ASIC1: variants seen among roughly 807,000 people sequenced by gnomAD.
The protein encoded by ASIC1 is acid-sensing ion channel 1.
In ASIC1, 21 loss-of-function variants were observed where a neutral mutation model predicts 63.4. That is an observed-to-expected ratio of 0.33 (90% CI 0.23 to 0.48). The LOEUF is 0.48. Ranked by LOEUF, ASIC1 falls within the 20% of genes least tolerant of loss-of-function variation. The pLI, the probability that ASIC1 is intolerant of heterozygous loss-of-function variation, is 0.99. For missense variants in ASIC1, 478 were observed against 695.5 expected, an observed-to-expected ratio of 0.69 and a Z score of 3.52; for synonymous variants, 258 against 278.2, an observed-to-expected ratio of 0.93 and a Z score of 0.72.
chr12:50,077,862 C>T (rs1950673067), intron 4 of ASIC1, 138 bp from the exon 5 acceptor site: 2 of 1,302,544 alleles, frequency 1.5e-6, no homozygotes, highest in Non-Finnish European at 2.1e-6. Context: ...AGGGGGTGGG[C>T]TAGGACCCTA....
chr12:50,062,815 A>G (rs1198334821), intron 3 of ASIC1, among the ~76,000 whole-genome samples: 1 of 152,204 alleles, frequency 6.6e-6, no homozygotes, highest in Non-Finnish European at 1.5e-5. Context: ...GTGCTCCTGG[A>G]TCTAGCTCAA....
intron 3 of ASIC1, among the ~76,000 whole-genome samples, chr12:50,067,379 A>G (rs1409112866): frequency 6.6e-6 from 1 of 150,758 alleles, no homozygotes; most frequent in Non-Finnish European, 1.5e-5. Flanking sequence ...AATAGCATTT[A>G]AAATAGTTGC....
intron 3 of ASIC1, among the ~76,000 whole-genome samples, chr12:50,067,128 C>T (rs1328026961): frequency 6.6e-6 from 1 of 152,210 alleles, no homozygotes; most frequent in Non-Finnish European, 1.5e-5. Flanking sequence ...ATGTGTCTCT[C>T]AACTCCACAG....
At chr12:50,061,838 G>A (rs1272340558) in intron 3 of ASIC1, among the ~76,000 whole-genome samples, 1 of 152,212 alleles carries the variant, frequency 6.6e-6, no homozygotes, top group African/African-American at 2.4e-5. Context: ...GGTCCATGCT[G>A]TCTGAGGGGA....
rs1950684883 is a variant in ASIC1 at position 50,078,780 on chromosome 12, G to A, written c.995-144G>A. 2 of 1,305,206 alleles carry A rather than the reference G, an allele frequency of 1.5e-6. No homozygotes were observed. Among genetic ancestry groups the A allele is most frequent in the South Asian group, 2.4e-5 (2 of 84,110 alleles). 80.9% of individuals were successfully genotyped at this position (1,305,206 alleles called of 1,614,324 possible). ...GGTCTAGAAGGTATGGACCTGGAGT[G>A]GGTCACTTCTGGGGCAGCATGGGGG... On this transcript the variant is annotated intron_variant, in intron 6 of 11. Transcript: ENST00000447966. The surrounding 1 kb of genome is among the most constrained non-coding windows in gnomAD (Gnocchi z 6.0).
rs1565733685 is a variant in ASIC1 at position 50,081,168 on chromosome 12, A to ACTACGC, written c.1370_1375dup (p.Ala457_Tyr458dup). The ACTACGC allele has an allele frequency of 6.2e-7, 1 of 1,612,256 alleles. No individual in the cohort carries two copies. The highest frequency in any genetic ancestry group is 8.5e-7 in the Non-Finnish European group (1 of 1,179,348). ...ATCCTCACGGTGCTGGAGCTCTTTG[A>ACTACGC]CTACGCCTACGAGGTAAGCGGGGGC... On this transcript the variant is annotated inframe_insertion, in exon 10 of 12. Coordinates refer to ENST00000447966, the MANE Select transcript of ASIC1 (RefSeq NM_001095.4).
chr12:50,075,153 T>C (rs938029035), intron 3 of ASIC1, among the ~76,000 whole-genome samples: 1 of 152,022 alleles, frequency 6.6e-6, no homozygotes, highest in African/African-American at 2.4e-5. Context: ...AGGCCTTCCC[T>C]GCCCCACACA....
intron 3 of ASIC1, among the ~76,000 whole-genome samples, chr12:50,065,118 A>G (rs1354564595): frequency 6.6e-6 from 1 of 152,156 alleles, no homozygotes; most frequent in East Asian, 1.9e-4. Context: ...CTCCCCAGCT[A>G]ACTAAATCAA....
chr12:50,065,976 C>T (rs1029591950), intron 3 of ASIC1, among the ~76,000 whole-genome samples: 4 of 152,218 alleles, frequency 2.6e-5, no homozygotes, highest in African/African-American at 9.6e-5. Flanking sequence ...CACACATGTG[C>T]ACCTCTGTGT....
Position 50,077,232 on chromosome 12 carries a change from A to G in ASIC1, c.578A>G (p.Lys193Arg). Residue 193 changes from lysine to arginine, a missense_variant, in exon 4 of 12, where the codon AAG becomes AGG. Lys to Arg is a conservative substitution (Grantham distance 26). Transcript: ENST00000447966. ...CGCCAGGTCTTCACACGCTATGGAAAGTGCTACACGTTCAACTCGGGCCGA... is the reference window on the plus strand; with the variant it reads ...CGCCAGGTCTTCACACGCTATGGAAGGTGCTACACGTTCAACTCGGGCCGA... ...DFKVVFTRYG[K>R]CYTFNSGRDG... 1 of 1,612,170 alleles carries G rather than the reference A, an allele frequency of 6.2e-7. No individual in the cohort carries two copies. Among genetic ancestry groups the G allele is most frequent in the Non-Finnish European group, 8.5e-7 (1 of 1,178,908 alleles).
chr12:50,062,460 A>T (rs1363709320), intron 3 of ASIC1, among the ~76,000 whole-genome samples: 1 of 152,176 alleles, frequency 6.6e-6, no homozygotes, highest in African/African-American at 2.4e-5. Context: ...TTCTTCACTG[A>T]GGAAAGAAGG....
Position 50,081,587 on chromosome 12 carries a change from TACGCTGCCA to T in ASIC1, c.1528_1536del (p.Ala510_Asn512del), listed in dbSNP as rs1431809707. 1.9e-5 allele frequency: 30 copies of T among 1,614,002 alleles called. No individual in the cohort carries two copies. The highest frequency in any genetic ancestry group is 2.4e-5 in the Non-Finnish European group (28 of 1,180,016). On this transcript the variant is annotated inframe_deletion, in exon 12 of 12. Coordinates refer to ENST00000447966, the MANE Select transcript of ASIC1 (RefSeq NM_001095.4). Reference sequence around the variant, plus strand: ...TCGGGGCCACCCTGCCGGGATGACATACGCTGCCAACATCCTACCTCACCATCCGGCCCG... The same window carrying T: ...TCGGGGCCACCCTGCCGGGATGACATACATCCTACCTCACCATCCGGCCCG...
Position 50,078,056 on chromosome 12 carries a change from C to T in ASIC1, c.766C>T (p.Pro256Ser). 1.2e-6 allele frequency: 2 copies of T among 1,614,088 alleles called. No homozygotes were observed. Among genetic ancestry groups the T allele is most frequent in the Non-Finnish European group, 1.7e-6 (2 of 1,179,958 alleles). Residue 256 changes from proline to serine, a missense_variant, in exon 5 of 12, where the codon CCT becomes TCT. By Grantham distance (74) the Pro-to-Ser change is moderately conservative (BLOSUM62 -1). This residue lies in a region of ASIC1 where 290 missense variants were observed against 414.9 expected (regional missense o/e 0.70). Transcript: ENST00000447966. This position sits in a 1 kb window ranked among gnomAD's most constrained non-coding sequence, Gnocchi z 6.0. ...KVQIHSQDEP[P>S]FIDQLGFGVA... ...GCAGATCCATAGTCAGGATGAACCTCCTTTCATCGACCAGCTGGGCTTTGG... is the reference window on the plus strand; with the variant it reads ...GCAGATCCATAGTCAGGATGAACCTTCTTTCATCGACCAGCTGGGCTTTGG...
chr12:50,078,714 G>A lies in ASIC1; in HGVS notation c.994+137G>A. ...ACACCCACCTGGCTCATGTCTCTCT[G>A]ACCTCAGTTCCCGCCTGCACCCCCA... On this transcript the variant is annotated intron_variant, in intron 6 of 11. Coordinates refer to ENST00000447966, the MANE Select transcript of ASIC1 (RefSeq NM_001095.4). This position sits in a 1 kb window ranked among gnomAD's most constrained non-coding sequence, Gnocchi z 6.0. The A allele has an allele frequency of 7.0e-7, 1 of 1,425,606 alleles. No homozygotes were observed. 88.3% of individuals were successfully genotyped at this position (1,425,606 alleles called of 1,614,324 possible).
chr12:50,074,880 G>C lies in ASIC1; in HGVS notation c.559-2333G>C, dbSNP rs907787569. Among the ~76,000 whole-genome samples the C allele has an allele frequency of 1.0e-4, 15 of 150,742 alleles. No homozygotes were observed. Among genetic ancestry groups the C allele is most frequent in the Non-Finnish European group, 1.2e-4 (8 of 67,566 alleles). ...CAGCTCTGTGTGTGTGTGTGTGTGT[G>C]TGTGTGTGTGTGTGTGTGTGTGTGT... On this transcript the variant is annotated intron_variant, in intron 3 of 11. Transcript: ENST00000447966. This position sits in a 1 kb window ranked among gnomAD's most constrained non-coding sequence, Gnocchi z 4.2.
At chr12:50,064,658 G>T (rs1950530319) in intron 3 of ASIC1, among the ~76,000 whole-genome samples, 1 of 152,204 alleles carries the variant, frequency 6.6e-6, no homozygotes, top group South Asian at 2.1e-4. Context: ...TCCTGGATAT[G>T]GCCACTGCAT....
chr12:50,071,392 G>A (rs1261215583), intron 3 of ASIC1, among the ~76,000 whole-genome samples: 1 of 145,770 alleles, frequency 6.9e-6, no homozygotes, highest in African/African-American at 2.5e-5. Flanking sequence ...TCAGCCTCCC[G>A]AGTAGCTGGG....
chr12:50,062,321 T>C (rs1305021537), intron 3 of ASIC1, among the ~76,000 whole-genome samples: 4 of 152,234 alleles, frequency 2.6e-5, no homozygotes, highest in Admixed American at 6.5e-5. Flanking sequence ...CATTCTCTGC[T>C]AGGCCAAGAG....
At chr12:50,080,651 T>C in intron 9 of ASIC1, 62 bp downstream of exon 9, 1 of 1,614,054 alleles carries the variant, frequency 6.2e-7, no homozygotes. Flanking sequence ...CTCCCTATCA[T>C]CCAAAAGCAG....
Sources: allele counts gnomAD v4.1 joint callset (sites outside exome capture counted in the v4.1 genomes callset), GRCh38; gene constraint gnomAD v4.1.1; regional missense constraint gnomAD v4.1.1; non-coding constraint Gnocchi (gnomAD v3.1); transcripts MANE v1.5; gene names NCBI Gene and HGNC (gene_info 2026-07-23, HGNC 2026-07-21).